CRIM1: variants seen among roughly 807,000 people sequenced by gnomAD.
CRIM1 encodes cysteine-rich motor neuron 1 protein.
CRIM1 carries 32 observed loss-of-function variants against 116.4 expected under a neutral mutation model. That is an observed-to-expected ratio of 0.27 (90% CI 0.21 to 0.37). CRIM1 has a LOEUF of 0.37. CRIM1 is among the 10% of genes least tolerant of loss of function. The pLI, the probability that CRIM1 is intolerant of heterozygous loss-of-function variation, is 1.00. For synonymous variants in CRIM1, 590 were observed against 509.2 expected, an observed-to-expected ratio of 1.16 and a Z score of -2.13; for missense variants, 1,331 against 1,354.8, an observed-to-expected ratio of 0.98 and a Z score of 0.28.
intron 4 of CRIM1, among the ~76,000 whole-genome samples, chr2:36,448,513 A>C (rs1178552170): frequency 2.0e-5 from 3 of 152,238 alleles, no homozygotes; most frequent in African/African-American, 7.2e-5. Flanking sequence ...AGTGTTTCAG[A>C]TACAGGCTTA....
In CRIM1 at chr2:36,548,550, T is replaced by C. The variant is rs1388562704; in HGVS notation, c.2960T>C (p.Val987Ala). 2 of 1,589,718 alleles carry C rather than the reference T, an allele frequency of 1.3e-6. No individual in the cohort carries two copies. The highest frequency in any genetic ancestry group is 1.9e-5 in the Admixed American group (1 of 52,532). The change falls in exon 17 of 17, where the codon GTA (valine) becomes GCA (alanine). Residue 987 changes from valine (V) to alanine (A), a missense_variant. Around this residue, in one of 3 missense-constraint regions of CRIM1, gnomAD observed 283 missense variants for 242.8 expected, o/e 1.17. Transcript: ENST00000280527. ...TKPSSLNNQLVSVDCKKGTRV... is the reference protein window; with the variant it reads ...TKPSSLNNQLASVDCKKGTRV... ...CCTTCTTCCTTAAATAATCAGCTAG[T>C]ATCTGTGGACTGCAAGAAAGGAACC...
At chr2:36,464,468 G>A in intron 4 of CRIM1, 66 bp from the exon 5 acceptor site, 1 of 1,586,554 alleles carries the variant, frequency 6.3e-7, no homozygotes, top group Non-Finnish European at 8.6e-7. Flanking sequence ...CACTTTGTTT[G>A]TGGTCTCCCG....
At position 36,548,818 on chromosome 2, in the gene CRIM1, C is replaced by T; in HGVS notation, c.*117C>T. ...TTGTATTGGATTGTGACTTGATGTA[C>T]AGCGCTAAGACCTTACTGGGATGGG... On this transcript the variant is annotated 3_prime_UTR_variant, in exon 17 of 17. Transcript: ENST00000280527. 1.2e-6 allele frequency: 1 copy of T among 827,892 alleles called. No homozygotes were observed. The highest frequency in any genetic ancestry group is 1.9e-6 in the Non-Finnish European group (1 of 530,888). 51.3% of individuals were successfully genotyped at this position (827,892 alleles called of 1,614,324 possible).
intron 2 of CRIM1, among the ~76,000 whole-genome samples, chr2:36,414,190 T>G (rs1673432065): frequency 6.6e-6 from 1 of 152,234 alleles, no homozygotes; most frequent in African/African-American, 2.4e-5. Flanking sequence ...GTGGGCCATT[T>G]GTCTGGTTCT....
intron 13 of CRIM1, among the ~76,000 whole-genome samples, chr2:36,524,205 G>A (rs1279792890): frequency 6.6e-6 from 1 of 152,082 alleles, no homozygotes; most frequent in African/African-American, 2.4e-5. Context: ...TTTTAGCACC[G>A]GCTTCTCTGT....
At chr2:36,358,647 G>A (rs1421336975) in intron 1 of CRIM1, among the ~76,000 whole-genome samples, 3 of 151,974 alleles carry the variant, frequency 2.0e-5, no homozygotes, top group Non-Finnish European at 4.4e-5. Context: ...CTTGGTATTC[G>A]CTTTGAAATG....
intron 2 of CRIM1, among the ~76,000 whole-genome samples, chr2:36,435,933 T>C (rs939625272): frequency 6.6e-6 from 1 of 151,930 alleles, no homozygotes; most frequent in Non-Finnish European, 1.5e-5. Flanking sequence ...GGCTTTTTTT[T>C]TTTTTAATGT....
rs116380159 is a variant in CRIM1 at position 36,467,308 on chromosome 2, A to T, written c.991+2653A>T. 7.1e-3 allele frequency among the ~76,000 whole-genome samples: 1,079 copies of T among 152,316 alleles called. 14 individuals carry two copies. The highest frequency in any genetic ancestry group is 0.025 in the African/African-American group (1,033 of 41,558). ...GGAACTAATACTGTGAAGATTCATAATCCTACAGAATATTGTTAAGAACAT... is the reference window on the plus strand; with the variant it reads ...GGAACTAATACTGTGAAGATTCATATTCCTACAGAATATTGTTAAGAACAT... On this transcript the variant is annotated intron_variant, in intron 5 of 16. Transcript: ENST00000280527.
intron 1 of CRIM1, among the ~76,000 whole-genome samples, chr2:36,361,395 G>T (rs958620396): frequency 1.3e-5 from 2 of 152,134 alleles, no homozygotes; most frequent in Non-Finnish European, 1.5e-5. Context: ...TTGGTGACTT[G>T]GTACAGGTTT....
In CRIM1 at chr2:36,550,293, A is replaced by G. The variant is rs1009372126; in HGVS notation, c.*1592A>G. The stretch of plus-strand genomic sequence containing the variant: ...AACAACTACTGGAATATTGTCCACA[A>G]TAAGCTGGAAGTTTGTTGTAGTATG... On this transcript the variant is annotated 3_prime_UTR_variant, in exon 17 of 17. Transcript: ENST00000280527. 3 of 151,514 alleles carry G rather than the reference A, an allele frequency of 2.0e-5. No homozygotes were observed. Among genetic ancestry groups the G allele is most frequent in the African/African-American group, 7.3e-5 (3 of 40,924 alleles). 9.4% of individuals were successfully genotyped at this position (151,514 alleles called of 1,614,324 possible). A position where few individuals can be genotyped will look rare whatever the true frequency, so the allele number is the denominator to read the frequency against.
intron 1 of CRIM1, among the ~76,000 whole-genome samples, chr2:36,388,566 A>G (rs1169487718): frequency 3.3e-5 from 5 of 152,166 alleles, no homozygotes; most frequent in Non-Finnish European, 7.3e-5. Context: ...AGAGAGCTAA[A>G]TGCCTTGTTT....
At chr2:36,541,569 C>T (rs1158041818) in intron 14 of CRIM1, among the ~76,000 whole-genome samples, 2 of 152,160 alleles carry the variant, frequency 1.3e-5, no homozygotes, top group East Asian at 1.9e-4. Flanking sequence ...TTGTAAGCAC[C>T]AAGCACCTCG....
intron 5 of CRIM1, among the ~76,000 whole-genome samples, chr2:36,472,207 C>A (rs1558341613): frequency 6.6e-6 from 1 of 152,180 alleles, no homozygotes; most frequent in Non-Finnish European, 1.5e-5. Context: ...TTTTCCACAT[C>A]CACTTAAATC....
intron 4 of CRIM1, among the ~76,000 whole-genome samples, chr2:36,444,554 C>T (rs1676099596): frequency 6.6e-6 from 1 of 152,238 alleles, no homozygotes. Context: ...ATAATTTTGA[C>T]TTCAGCATTC....
intron 2 of CRIM1, among the ~76,000 whole-genome samples, chr2:36,411,969 A>G (rs1673244519): frequency 6.6e-6 from 1 of 152,162 alleles, no homozygotes; most frequent in Non-Finnish European, 1.5e-5. Flanking sequence ...CAACTTTGCA[A>G]TTAAATTGTG....
intron 1 of CRIM1, among the ~76,000 whole-genome samples, chr2:36,357,406 A>T (rs1042297081): frequency 6.6e-6 from 1 of 152,046 alleles, no homozygotes; most frequent in African/African-American, 2.4e-5. Context: ...TTTGTTTGAC[A>T]GCGGGGATTG....
chr2:36,381,787 A>G (rs1670796719), intron 1 of CRIM1, among the ~76,000 whole-genome samples: 1 of 152,066 alleles, frequency 6.6e-6, no homozygotes, highest in African/African-American at 2.4e-5. Flanking sequence ...ACTTCGTCTC[A>G]AAAAAAACCT....
intron 1 of CRIM1, among the ~76,000 whole-genome samples, chr2:36,395,853 T>G (rs1419554151): frequency 1.3e-5 from 2 of 152,202 alleles, no homozygotes; most frequent in Non-Finnish European, 2.9e-5. Flanking sequence ...TGATTTTTGA[T>G]GTTGATTATT....
intron 4 of CRIM1, among the ~76,000 whole-genome samples, chr2:36,448,245 T>C (rs1445795209): frequency 6.6e-6 from 1 of 152,240 alleles, no homozygotes; most frequent in African/African-American, 2.4e-5. Context: ...TCCTCTGTAA[T>C]GGTTGAGCTT....
Sources: gnomAD v4.1 joint callset for allele counts (sites outside exome capture counted in the v4.1 genomes callset) on GRCh38, gnomAD v4.1.1 for gene constraint, gnomAD v4.1.1 regional missense constraint, MANE v1.5 for transcripts, NCBI Gene and HGNC (gene_info 2026-07-23, HGNC 2026-07-21) for gene names.